Variants in PCDHGA4 observed in about 807,000 individuals in gnomAD.
The protein encoded by PCDHGA4 is protocadherin gamma subfamily A, 4.
A neutral mutation model predicts 54.6 loss-of-function variants in PCDHGA4; 38 were observed. That is an observed-to-expected ratio of 0.70 (90% CI 0.54 to 0.91). The LOEUF is 0.91. PCDHGA4 is among the 40% of genes least tolerant of loss of function. The pLI is 0.00. For synonymous variants in PCDHGA4, 511 were observed against 512.9 expected, an observed-to-expected ratio of 1.00 and a Z score of 0.05; for missense variants, 1,298 against 1,220.9, an observed-to-expected ratio of 1.06 and a Z score of -0.94.
intron 1 of PCDHGA4, chr5:141,367,051 G>T: frequency 3.1e-6 from 1 of 325,810 alleles, no homozygotes; most frequent in Non-Finnish European, 5.6e-6. Context: ...TAATAGAAAA[G>T]ATGTTTTATT....
At chr5:141,389,681 C>G in intron 1 of PCDHGA4, 5 of 1,612,438 alleles carry the variant, frequency 3.1e-6, no homozygotes, top group Non-Finnish European at 4.2e-6. Context: ...CAGGACACAA[C>G]GCCTGGCTGT....
At position 141,431,209 on chromosome 5, in the gene PCDHGA4, G is replaced by C; in HGVS notation, c.2515-63598G>C. Reference sequence around the variant, plus strand: ...TTAGTGAAAATGCAGCCACTGAGATGCGGTTCCCTCTACCCCACGCCTGGG... The same window carrying C: ...TTAGTGAAAATGCAGCCACTGAGATCCGGTTCCCTCTACCCCACGCCTGGG... On this transcript the variant is annotated intron_variant, in intron 1 of 3. Coordinates refer to ENST00000571252, the MANE Select transcript of PCDHGA4 (RefSeq NM_018917.4). The surrounding 1 kb of genome is among the most constrained non-coding windows in gnomAD (Gnocchi z 4.8). 6.2e-7 allele frequency: 1 copy of C among 1,614,190 alleles called. No homozygotes were observed. Among genetic ancestry groups the C allele is most frequent in the Non-Finnish European group, 8.5e-7 (1 of 1,180,038 alleles).
Position 141,432,244 on chromosome 5 carries a change from C to T in PCDHGA4, c.2515-62563C>T. 1 of 1,614,262 alleles carries T rather than the reference C, an allele frequency of 6.2e-7. No homozygotes were observed. Among genetic ancestry groups the T allele is most frequent in the Non-Finnish European group, 8.5e-7 (1 of 1,180,048 alleles). On this transcript the variant is annotated intron_variant, in intron 1 of 3. Coordinates refer to ENST00000571252, the MANE Select transcript of PCDHGA4 (RefSeq NM_018917.4). The surrounding 1 kb of genome is among the most constrained non-coding windows in gnomAD (Gnocchi z 6.0). ...TCACTTATTCCCTGGCTGAGAACAC[C>T]ATCCAAGGGGCAAGCCTATCGTCCT...
In PCDHGA4 at chr5:141,432,296, G is replaced by A. The variant is rs895669878; in HGVS notation, c.2515-62511G>A. The A allele has an allele frequency of 2.5e-6, 4 of 1,614,106 alleles. No homozygotes were observed. The highest frequency in any genetic ancestry group is 1.1e-5 in the South Asian group (1 of 91,082). The stretch of plus-strand genomic sequence containing the variant: ...CGTGTCCATCAACTCCGACACTGGG[G>A]TACTGTATGCGCTGAGCTCCTTCGA... On this transcript the variant is annotated intron_variant, in intron 1 of 3. Transcript: ENST00000571252. The surrounding 1 kb of genome is among the most constrained non-coding windows in gnomAD (Gnocchi z 6.0).
intron 1 of PCDHGA4, chr5:141,364,901 T>C (rs867026353): frequency 1.9e-6 from 3 of 1,613,962 alleles, no homozygotes; most frequent in Middle Eastern, 3.3e-4. Context: ...TGGACAAAAG[T>C]ATCCGGAGCT....
intron 3 of PCDHGA4, among the ~76,000 whole-genome samples, chr5:141,510,089 C>G (rs2099879446): frequency 6.6e-6 from 1 of 152,136 alleles, no homozygotes; most frequent in African/African-American, 2.4e-5. Flanking sequence ...GCCTGGCACA[C>G]AGTAGGTGCT....
chr5:141,365,125 C>T, intron 1 of PCDHGA4: 2 of 1,613,882 alleles, frequency 1.2e-6, no homozygotes, highest in Non-Finnish European at 1.7e-6. Context: ...TCATGCTAAC[C>T]GCCACGGATC....
chr5:141,420,277 A>C, intron 1 of PCDHGA4: 1 of 1,518,166 alleles, frequency 6.6e-7, no homozygotes, highest in Non-Finnish European at 8.9e-7. Flanking sequence ...TTAAACAGGT[A>C]AGTATTTAAA....
At chr5:141,423,163 G>A (rs758720418) in intron 1 of PCDHGA4, 2 of 1,613,480 alleles carry the variant, frequency 1.2e-6, no homozygotes, top group South Asian at 2.2e-5. Context: ...CCTCGTGGTG[G>A]CCGTCCAGGA....
At chr5:141,403,056 T>A in intron 1 of PCDHGA4, 1 of 1,614,046 alleles carries the variant, frequency 6.2e-7, no homozygotes, top group Non-Finnish European at 8.5e-7. Flanking sequence ...CGCTACTCAG[T>A]GCCTGAAGAG....
At chr5:141,457,878 C>A (rs1263626843) in intron 1 of PCDHGA4, among the ~76,000 whole-genome samples, 1 of 152,190 alleles carries the variant, frequency 6.6e-6, no homozygotes, top group East Asian at 1.9e-4. Context: ...GGTTAGGAAC[C>A]CTGTGTGGGG....
intron 1 of PCDHGA4, among the ~76,000 whole-genome samples, chr5:141,397,195 GAT>G (rs2093485710): frequency 1.3e-5 from 2 of 152,150 alleles, no homozygotes; most frequent in Admixed American, 1.3e-4. Context: ...TACTGTAAAA[GAT>G]ATGACATAAG....
intron 1 of PCDHGA4, chr5:141,402,790 A>G: frequency 1.0e-6 from 1 of 961,364 alleles, no homozygotes; most frequent in Non-Finnish European, 1.5e-6. Flanking sequence ...TTCTGCGGCT[A>G]CACAAAACCC....
Position 141,365,477 on chromosome 5 carries a change from G to C in PCDHGA4, c.2514+7856G>C, listed in dbSNP as rs1313956190. ...TGATTCTGGAGAAAATGGTGAGATT[G>C]CATGCTCTATTCCTAGGAATTTGCC... On this transcript the variant is annotated intron_variant, in intron 1 of 3. Transcript: ENST00000571252. 3.7e-6 allele frequency: 6 copies of C among 1,613,876 alleles called. No individual in the cohort carries two copies. The African/African-American group carries it at 8.0e-5, about 22-fold the overall frequency.
chr5:141,389,894 G>A (rs754241365), intron 1 of PCDHGA4: 56 of 1,613,970 alleles, frequency 3.5e-5, no homozygotes, highest in Non-Finnish European at 4.7e-5. Flanking sequence ...AGGAGGTGCT[G>A]CCGGATATCA....
intron 1 of PCDHGA4, chr5:141,377,502 A>G (rs1373807437): frequency 6.6e-6 from 1 of 152,050 alleles, no homozygotes. Flanking sequence ...AAGCTCTGAT[A>G]GGAGGATTGC....
At position 141,393,532 on chromosome 5, in the gene PCDHGA4, C is replaced by G. The variant is rs1411410420; in HGVS notation, c.2514+35911C>G. 1.4e-5 allele frequency: 23 copies of G among 1,613,886 alleles called. No homozygotes were observed. Among genetic ancestry groups the G allele is most frequent in the Non-Finnish European group, 1.9e-5 (23 of 1,179,916 alleles). On this transcript the variant is annotated intron_variant, in intron 1 of 3. Transcript: ENST00000571252. The stretch of plus-strand genomic sequence containing the variant: ...GTGTTGGATACAAATGACAATGCCC[C>G]GGTTTTTCCTCACCCGATTTACCGA...
In PCDHGA4 at chr5:141,486,649, C is replaced by G; in HGVS notation, c.2515-8158C>G. On this transcript the variant is annotated intron_variant, in intron 1 of 3. Transcript: ENST00000571252. This position sits in a 1 kb window ranked among gnomAD's most constrained non-coding sequence, Gnocchi z 5.0. The stretch of plus-strand genomic sequence containing the variant: ...CTGGCTTGAATGCGCTTATCTCCTA[C>G]TCACTCCTGGAGCCCAGGAATCGAG... The G allele has an allele frequency of 6.2e-7, 1 of 1,613,952 alleles. No individual in the cohort carries two copies. The highest frequency in any genetic ancestry group is 8.5e-7 in the Non-Finnish European group (1 of 1,180,034).
At position 141,375,341 on chromosome 5, in the gene PCDHGA4, A is replaced by G; in HGVS notation, c.2514+17720A>G. ...CCGGGAAGAGGTATTCTTGTACAACATCACTGTGACAGCCACGGACAAAGG... is the reference window on the plus strand; with the variant it reads ...CCGGGAAGAGGTATTCTTGTACAACGTCACTGTGACAGCCACGGACAAAGG... On this transcript the variant is annotated intron_variant, in intron 1 of 3. Transcript: ENST00000571252. 3 of 1,613,856 alleles carry G rather than the reference A, an allele frequency of 1.9e-6. No homozygotes were observed. The highest frequency in any genetic ancestry group is 1.6e-4 in the Middle Eastern group (1 of 6,062).
Sources: allele counts gnomAD v4.1 joint callset (sites outside exome capture counted in the v4.1 genomes callset), GRCh38; gene constraint gnomAD v4.1.1; non-coding constraint Gnocchi (gnomAD v3.1); transcripts MANE v1.5; gene names NCBI Gene and HGNC (gene_info 2026-07-23, HGNC 2026-07-21).